The following EDDM13 variants were observed in gnomAD, a reference collection of about 807,000 sequenced individuals.
EDDM13 encodes epididymal protein 13.
In EDDM13, 24 loss-of-function variants were observed where a neutral mutation model predicts 17.8. The observed-to-expected ratio is 1.35, with a 90% CI of 0.98 to 1.90. The LOEUF (loss-of-function observed/expected upper bound fraction) is 1.90. Ranked by LOEUF, EDDM13 falls within the 40% of genes most tolerant of loss-of-function variation. The probability of loss-of-function intolerance (pLI) is 0.00; values close to 1 mark genes in which losing one functional copy is unlikely to be tolerated. For missense variants in EDDM13, 97 were observed against 100.8 expected (o/e 0.96, Z 0.16); for synonymous variants, 31 against 37.5 (o/e 0.83, Z 0.63).
intron 14 of EDDM13, among the ~76,000 whole-genome samples, chr19:56,307,172 T>C (rs11669307): frequency 0.36 from 40,599 of 113,150 alleles, 5,049 homozygotes; most frequent in Admixed American, 0.41. Flanking sequence ...AGATGGGAGA[T>C]TTCTCTTCCC....
chr19:56,282,584 G>A (rs960895035), intron 4 of EDDM13, 85 bp downstream of exon 4: 6 of 840,728 alleles, frequency 7.1e-6, no homozygotes, highest in African/African-American at 3.7e-5. Context: ...TTCGACTTAC[G>A]TTTCTTCTCT....
chr19:56,275,219 C>T (rs1600155078), intron 1 of EDDM13, among the ~76,000 whole-genome samples: 1 of 152,248 alleles, frequency 6.6e-6, no homozygotes, highest in Middle Eastern at 3.4e-3. Flanking sequence ...TATGCGAATA[C>T]CCTGTTCTCC....
chr19:56,278,109 T>G (rs568678468), intron 2 of EDDM13, among the ~76,000 whole-genome samples: 1 of 152,184 alleles, frequency 6.6e-6, no homozygotes, highest in South Asian at 2.1e-4. Context: ...CTATTTTTTT[T>G]TTTTTTAGCT....
At chr19:56,297,093 C>T (rs113356530) in intron 11 of EDDM13, among the ~76,000 whole-genome samples, 4,285 of 150,988 alleles carry the variant, frequency 0.028, 69 homozygotes, top group Middle Eastern at 0.072. Context: ...TTTTAAAGGG[C>T]GATCAGGGAA....
At chr19:56,288,070 G>A (rs543042181) in intron 6 of EDDM13, among the ~76,000 whole-genome samples, 3 of 152,178 alleles carry the variant, frequency 2.0e-5, no homozygotes, top group African/African-American at 4.8e-5. Flanking sequence ...TGATGGTCAC[G>A]AGGCTGGTGT....
At chr19:56,293,590 T>C (rs1460017879) in intron 9 of EDDM13, among the ~76,000 whole-genome samples, 3 of 152,228 alleles carry the variant, frequency 2.0e-5, no homozygotes, top group Admixed American at 1.3e-4. Context: ...CCTCGCCTCC[T>C]GAAGGGCTCA....
intron 13 of EDDM13, among the ~76,000 whole-genome samples, chr19:56,302,520 C>CCCTCCCTCTTCTTCCTCCCCGTT (rs1568725810): frequency 6.9e-5 from 2 of 29,172 alleles, no homozygotes; most frequent in Admixed American, 4.8e-4. Context: ...TTTCCTTCCT[C>CCCTCCCTCTTCTTCCTCCCCGTT]CCTCCCTCCC....
intron 13 of EDDM13, among the ~76,000 whole-genome samples, chr19:56,303,149 G>A (rs145321023): frequency 9.0e-4 from 137 of 152,230 alleles, no homozygotes; most frequent in African/African-American, 2.7e-3. Flanking sequence ...CACCATGTGC[G>A]AGACTCAGAG....
intron 2 of EDDM13, among the ~76,000 whole-genome samples, chr19:56,276,943 T>C (rs1019389592): frequency 6.6e-6 from 1 of 152,066 alleles, no homozygotes; most frequent in Non-Finnish European, 1.5e-5. Flanking sequence ...CAAATACTTA[T>C]ATTTACAAAA....
At chr19:56,308,341 T>TTTTTTTTTG (rs71184348) in intron 14 of EDDM13, among the ~76,000 whole-genome samples, 5 of 150,070 alleles carry the variant, frequency 3.3e-5, no homozygotes, top group Non-Finnish European at 7.4e-5. Context: ...CTTTTTTTTT[T>TTTTTTTTTG]GAGATGGAGG....
At chr19:56,275,898 C>T (rs1018741773) in intron 1 of EDDM13, among the ~76,000 whole-genome samples, 194 bp from the exon 2 acceptor site, 3 of 152,204 alleles carry the variant, frequency 2.0e-5, no homozygotes, top group Non-Finnish European at 4.4e-5. Context: ...AACGAATGGA[C>T]TTATCGATGG....
intron 4 of EDDM13, chr19:56,283,544 C>G (rs1314919252): frequency 6.6e-6 from 1 of 152,102 alleles, no homozygotes; most frequent in Non-Finnish European, 1.5e-5. Context: ...TCAGTGATAC[C>G]GAGAAAGGTG....
intron 13 of EDDM13, among the ~76,000 whole-genome samples, chr19:56,302,500 TCTG>T (rs2040329453): frequency 1.2e-5 from 1 of 85,046 alleles, no homozygotes; most frequent in Non-Finnish European, 2.3e-5. Context: ...TTCTTCCCTC[TCTG>T]CCCTTCTTTC....
chr19:56,292,365 C>A (rs1054040937), intron 9 of EDDM13, among the ~76,000 whole-genome samples: 2 of 152,058 alleles, frequency 1.3e-5, no homozygotes, highest in African/African-American at 4.8e-5. Flanking sequence ...TGGGCTCAAG[C>A]GATCCTTCTT....
At chr19:56,273,158 T>C (rs961370768) in intron 1 of EDDM13, among the ~76,000 whole-genome samples, 2 of 152,168 alleles carry the variant, frequency 1.3e-5, no homozygotes, top group South Asian at 2.1e-4. Flanking sequence ...TTCTGTGACT[T>C]TGGGGAGACA....
At chr19:56,278,256 C>T (rs57731201) in intron 2 of EDDM13, among the ~76,000 whole-genome samples, 63,114 of 151,892 alleles carry the variant, frequency 0.42, 14,363 homozygotes, top group Non-Finnish European at 0.51. Context: ...GAAGTAGCCT[C>T]CCAAGTAGCT....
At chr19:56,298,521 C>T (rs374251134) in intron 12 of EDDM13, among the ~76,000 whole-genome samples, 13 of 151,232 alleles carry the variant, frequency 8.6e-5, no homozygotes, top group East Asian at 7.9e-4. Context: ...GGCGTGGTGG[C>T]GGGTGCCTGT....
chr19:56,303,289 T>G (rs1568728480), intron 13 of EDDM13, among the ~76,000 whole-genome samples: 1 of 151,518 alleles, frequency 6.6e-6, no homozygotes, highest in Non-Finnish European at 1.5e-5. Context: ...ACCAGCCTGG[T>G]CAACATGGTG....
chr19:56,280,053 C>T (rs1437497622), intron 2 of EDDM13, among the ~76,000 whole-genome samples: 3 of 152,130 alleles, frequency 2.0e-5, no homozygotes, highest in African/African-American at 7.2e-5. Flanking sequence ...CACTCATTTC[C>T]CTTCCCCGAA....
Sources: allele counts gnomAD v4.1 joint callset (sites outside exome capture counted in the v4.1 genomes callset), GRCh38; gene constraint gnomAD v4.1.1; transcripts MANE v1.5; gene names NCBI Gene and HGNC (gene_info 2026-07-23, HGNC 2026-07-21).